CORIN: variants seen among roughly 807,000 people sequenced by gnomAD.
The protein encoded by CORIN is atrial natriuretic peptide-converting enzyme.
Under a neutral mutation model 125.3 loss-of-function variants are expected in CORIN, and 117 were observed. The ratio of observed to expected loss-of-function variants is 0.93; its 90% CI spans 0.80 to 1.09. The LOEUF is 1.09. Among genes scored for constraint, CORIN ranks in the 50% least tolerant of loss-of-function variants. The pLI, the probability that CORIN is intolerant of heterozygous loss-of-function variation, is 0.00. For synonymous variants in CORIN, 450 were observed against 466.4 expected, an observed-to-expected ratio of 0.96 and a Z score of 0.45; for missense variants, 1,253 against 1,306.7, an observed-to-expected ratio of 0.96 and a Z score of 0.63.
chr4:47,747,739 C>A (rs1214272655), intron 4 of CORIN, among the ~76,000 whole-genome samples: 1 of 152,184 alleles, frequency 6.6e-6, no homozygotes, highest in East Asian at 1.9e-4. Flanking sequence ...GCCACTCCTC[C>A]ACTGTTGAAT....
chr4:47,785,433 C>A (rs1423309685), intron 3 of CORIN, among the ~76,000 whole-genome samples: 1 of 152,216 alleles, frequency 6.6e-6, no homozygotes, highest in African/African-American at 2.4e-5. Context: ...TTTCTCTCTC[C>A]CAGCTCTTCT....
intron 3 of CORIN, among the ~76,000 whole-genome samples, chr4:47,774,123 G>T (rs558088977): frequency 1.2e-3 from 176 of 152,080 alleles, no homozygotes; most frequent in African/African-American, 3.7e-3. Context: ...AAATTATCTG[G>T]GATTTTAAAA....
intron 12 of CORIN, among the ~76,000 whole-genome samples, chr4:47,658,210 G>A (rs1351245737): frequency 1.3e-5 from 2 of 152,188 alleles, no homozygotes; most frequent in African/African-American, 2.4e-5. Context: ...CCCCATGCAA[G>A]CCCAAAACCC....
chr4:47,792,530 G>A (rs1023782398), intron 2 of CORIN, among the ~76,000 whole-genome samples: 12 of 152,206 alleles, frequency 7.9e-5, no homozygotes, highest in African/African-American at 2.7e-4. Context: ...ATGAACATGA[G>A]AGAAAGGTCC....
rs374013048 is a variant in CORIN at position 47,609,393 on chromosome 4, C to T, written c.2541-5725G>A. On this transcript the variant is annotated intron_variant, in intron 19 of 21. Transcript: ENST00000273857. ...TAGTTGGGATTACAGGCACCCGCCA[C>T]CATGCCTGGCTAATTTTTGTATTTT... 2.0e-5 allele frequency among the ~76,000 whole-genome samples: 3 copies of T among 152,228 alleles called. No individual in the cohort carries two copies. In the South Asian group the frequency reaches 6.2e-4, roughly 32 times the overall value.
intron 5 of CORIN, among the ~76,000 whole-genome samples, chr4:47,729,835 A>T (rs1727781731): frequency 6.6e-6 from 1 of 152,200 alleles, no homozygotes; most frequent in Non-Finnish European, 1.5e-5. Flanking sequence ...CAGATCAGTG[A>T]AAACGGAATA....
At chr4:47,753,532 C>T (rs1393786101) in intron 4 of CORIN, among the ~76,000 whole-genome samples, 4 of 151,956 alleles carry the variant, frequency 2.6e-5, no homozygotes, top group Admixed American at 6.6e-5. Flanking sequence ...CCAGAGTGGC[C>T]GTTTATAGAC....
chr4:47,670,379 T>C (rs1467584026), intron 10 of CORIN, among the ~76,000 whole-genome samples: 1 of 152,250 alleles, frequency 6.6e-6, no homozygotes, highest in Non-Finnish European at 1.5e-5. Context: ...TCCTCTCTTC[T>C]ACTATTTGCT....
In CORIN at chr4:47,730,595, C is replaced by T. The variant is rs192932157; in HGVS notation, c.799+13807G>A. Among the ~76,000 whole-genome samples the T allele has an allele frequency of 4.2e-3, 637 of 152,300 alleles. 8 individuals are homozygous for T. The highest frequency in any genetic ancestry group is 0.014 in the African/African-American group (596 of 41,574). ...GCACTCTTGCAGGCCTCTGCACCTGCCCATCTGCATGCTCCCCCTAGGGGT... is the reference window on the plus strand; with the variant it reads ...GCACTCTTGCAGGCCTCTGCACCTGTCCATCTGCATGCTCCCCCTAGGGGT... On this transcript the variant is annotated intron_variant, in intron 5 of 21. Transcript: ENST00000273857.
At chr4:47,780,424 G>C (rs1183486327) in intron 3 of CORIN, among the ~76,000 whole-genome samples, 1 of 151,926 alleles carries the variant, frequency 6.6e-6, no homozygotes, top group Admixed American at 6.6e-5. Flanking sequence ...TTATATAAAA[G>C]AGAAAAATCA....
At chr4:47,715,553 C>T (rs1032036131) in intron 5 of CORIN, among the ~76,000 whole-genome samples, 1 of 151,940 alleles carries the variant, frequency 6.6e-6, no homozygotes, top group Non-Finnish European at 1.5e-5. Context: ...GAGCTGAGAT[C>T]GTGCCACAGC....
chr4:47,773,174 A>G (rs1459042103), intron 3 of CORIN, among the ~76,000 whole-genome samples: 1 of 152,234 alleles, frequency 6.6e-6, no homozygotes, highest in Non-Finnish European at 1.5e-5. Flanking sequence ...AATTTAACAC[A>G]TATAGAAATT....
At chr4:47,789,062 G>C (rs1730944379) in intron 2 of CORIN, among the ~76,000 whole-genome samples, 1 of 152,120 alleles carries the variant, frequency 6.6e-6, no homozygotes. Context: ...CAGCACTTTG[G>C]GAGGCCGAGG....
At chr4:47,642,963 C>T (rs981301404) in intron 15 of CORIN, 183 bp downstream of exon 15, 64 of 1,535,682 alleles carry the variant, frequency 4.2e-5, no homozygotes, top group Admixed American at 3.5e-4. Flanking sequence ...GAAGTAGCTT[C>T]GTGGGGAAAT....
At chr4:47,750,973 G>A (rs142988799) in intron 4 of CORIN, among the ~76,000 whole-genome samples, 177 of 152,306 alleles carry the variant, frequency 1.2e-3, no homozygotes, top group African/African-American at 3.9e-3. Flanking sequence ...GTGAGCAGAC[G>A]GTTAAACTAT....
Position 47,632,767 on chromosome 4 carries a change from AGATAGATAGT to A in CORIN, c.2199-6256_2199-6247del, listed in dbSNP as rs369968614. ...GATAGATAGATAGATAGATAGATAG[AGATAGATAGT>A]TAGATAGATTTTTTTTTTTTGAGAT... On this transcript the variant is annotated intron_variant, in intron 16 of 21. Transcript: ENST00000273857. 7.3e-3 allele frequency among the ~76,000 whole-genome samples: 456 copies of A among 62,686 alleles called. 1 individual carries two copies. Among genetic ancestry groups the A allele is most frequent in the African/African-American group, 0.024 (394 of 16,278 alleles). The allele number at this position is 62,686 out of a possible 152,430, so 41.1% of individuals were successfully genotyped here. A position where few individuals can be genotyped will look rare whatever the true frequency, so the allele number is the denominator to read the frequency against.
chr4:47,679,978 C>T (rs1725191583), intron 8 of CORIN, 163 bp downstream of exon 8: 1 of 536,878 alleles, frequency 1.9e-6, no homozygotes, highest in Non-Finnish European at 3.3e-6. Context: ...CTATTGTCAT[C>T]CCATGACTCA....
intron 10 of CORIN, among the ~76,000 whole-genome samples, chr4:47,673,450 C>A (rs139489105): frequency 2.0e-5 from 3 of 150,522 alleles, no homozygotes; most frequent in Admixed American, 2.0e-4. Flanking sequence ...CTAATCCCAA[C>A]CTGAAAATGC....
At chr4:47,760,709 T>A (rs1729408015) in intron 4 of CORIN, among the ~76,000 whole-genome samples, 1 of 152,234 alleles carries the variant, frequency 6.6e-6, no homozygotes, top group Non-Finnish European at 1.5e-5. Context: ...AGCCAGGCAC[T>A]GACTTCTCTT....
Sources: gnomAD v4.1 joint callset for allele counts (sites outside exome capture counted in the v4.1 genomes callset) on GRCh38, gnomAD v4.1.1 for gene constraint, MANE v1.5 for transcripts, NCBI Gene and HGNC (gene_info 2026-07-23, HGNC 2026-07-21) for gene names.